The following RB1 variants were observed in gnomAD, a reference collection of about 807,000 sequenced individuals.
RB1 encodes the protein RB transcriptional corepressor 1.
Under a neutral mutation model 135.4 loss-of-function variants are expected in RB1, and 18 were observed. The ratio of observed to expected loss-of-function variants is 0.13; its 90% CI spans 0.09 to 0.20. The LOEUF (loss-of-function observed/expected upper bound fraction) is 0.20. RB1 is among the 10% of genes least tolerant of loss of function. RB1 has a pLI of 1.00. For missense variants in RB1, 868 were observed against 1,110.0 expected, an observed-to-expected ratio of 0.78 and a Z score of 3.10; for synonymous variants, 365 against 373.2, an observed-to-expected ratio of 0.98 and a Z score of 0.25.
At chr13:48,472,492 A>G (rs564132284) in intron 23 of RB1, among the ~76,000 whole-genome samples, 125 of 152,256 alleles carry the variant, frequency 8.2e-4, no homozygotes, top group Non-Finnish European at 1.2e-3. Context: ...CCATGCCACT[A>G]TATGAAAATG....
intron 17 of RB1, among the ~76,000 whole-genome samples, chr13:48,413,896 T>G (rs1176315229): frequency 6.6e-6 from 1 of 152,184 alleles, no homozygotes; most frequent in Non-Finnish European, 1.5e-5. Flanking sequence ...ATCCTACTAC[T>G]TGGCAAAATT....
At chr13:48,449,914 A>G (rs960208556) in intron 17 of RB1, among the ~76,000 whole-genome samples, 1 of 151,950 alleles carries the variant, frequency 6.6e-6, no homozygotes, top group Admixed American at 6.6e-5. Flanking sequence ...GAAGTTTCCA[A>G]TTTATATGAA....
intron 17 of RB1, among the ~76,000 whole-genome samples, chr13:48,441,853 A>T (rs1378981342): frequency 1.3e-5 from 2 of 152,182 alleles, no homozygotes; most frequent in African/African-American, 2.4e-5. Context: ...GGAATTATTT[A>T]AAAATGACTT....
chr13:48,431,864 T>A (rs1404266243), intron 17 of RB1, among the ~76,000 whole-genome samples: 1 of 152,232 alleles, frequency 6.6e-6, no homozygotes, highest in Non-Finnish European at 1.5e-5. Context: ...GCTTATGTTG[T>A]CTTCATCTCT....
chr13:48,328,476 G>C (rs922530627), intron 2 of RB1: 1 of 883,568 alleles, frequency 1.1e-6, no homozygotes. Context: ...TCAGCGCTGC[G>C]GCTGGAACTT....
rs766996577 is a variant in RB1 at position 48,476,388 on chromosome 13, G to T, written c.2521-313G>T. 52 of 327,450 alleles carry T rather than the reference G, an allele frequency of 1.6e-4. 1 individual carries two copies. Among genetic ancestry groups the T allele is most frequent in the Non-Finnish European group, 2.3e-5 (4 of 171,050 alleles). The allele number at this position is 327,450 out of a possible 1,614,324, so 20.3% of individuals were successfully genotyped here. ...CTGACTTGCCTACTTCTGAAAAGTA[G>T]TCCTGTATGGTGGGTTCTGAAAATG... On this transcript the variant is annotated intron_variant, in intron 24 of 26. Coordinates refer to ENST00000267163, the MANE Select transcript of RB1 (RefSeq NM_000321.3).
intron 2 of RB1, among the ~76,000 whole-genome samples, chr13:48,326,785 A>G (rs1173997135): frequency 6.6e-6 from 1 of 152,072 alleles, no homozygotes; most frequent in East Asian, 1.9e-4. Flanking sequence ...TTGTAGTAGG[A>G]GTTTTCAAGG....
At chr13:48,371,699 G>T (rs1285341674) in intron 11 of RB1, among the ~76,000 whole-genome samples, 2 of 152,082 alleles carry the variant, frequency 1.3e-5, no homozygotes, top group East Asian at 3.9e-4. Flanking sequence ...TGAAGGGAGG[G>T]TGCATAATGG....
chr13:48,312,831 C>T (rs189667152), intron 2 of RB1, among the ~76,000 whole-genome samples: 1 of 152,156 alleles, frequency 6.6e-6, no homozygotes, highest in African/African-American at 2.4e-5. Context: ...CTAGTCTCTT[C>T]TTTTCTCCAT....
At chr13:48,412,435 G>T in intron 17 of RB1, 2 of 1,605,114 alleles carry the variant, frequency 1.2e-6, no homozygotes, top group South Asian at 1.1e-5. Flanking sequence ...GTAAAGGCAC[G>T]TCCAATTTTC....
intron 17 of RB1, among the ~76,000 whole-genome samples, chr13:48,437,539 C>G (rs1819477894): frequency 6.6e-6 from 1 of 152,186 alleles, no homozygotes; most frequent in Admixed American, 6.5e-5. Context: ...AAGGCTGCAG[C>G]TAGTTTAAGG....
At chr13:48,328,598 A>C in intron 2 of RB1, 1 of 630,000 alleles carries the variant, frequency 1.6e-6, no homozygotes, top group Non-Finnish European at 2.9e-6. Context: ...GATTTCAGAA[A>C]TCTTTCTAAT....
At chr13:48,340,476 G>C (rs918728047) in intron 2 of RB1, among the ~76,000 whole-genome samples, 1 of 151,440 alleles carries the variant, frequency 6.6e-6, no homozygotes, top group African/African-American at 2.4e-5. Context: ...GTGTTTCATT[G>C]TTTTGACTAC....
intron 26 of RB1, 42 bp downstream of exon 26, chr13:48,477,446 G>C (rs1949510888): frequency 6.9e-7 from 1 of 1,459,728 alleles, no homozygotes; most frequent in East Asian, 2.3e-5. Context: ...ATAAACAATT[G>C]TTTACACTGC....
intron 8 of RB1, among the ~76,000 whole-genome samples, chr13:48,363,957 G>T (rs1433965512): frequency 2.0e-5 from 3 of 152,098 alleles, no homozygotes; most frequent in Non-Finnish European, 4.4e-5. Context: ...ACACCAGATA[G>T]CAGTAAAAAA....
intron 11 of RB1, among the ~76,000 whole-genome samples, chr13:48,371,406 A>G (rs1217461469): frequency 6.6e-6 from 1 of 152,122 alleles, no homozygotes; most frequent in Non-Finnish European, 1.5e-5. Flanking sequence ...GTCCCATTCC[A>G]CTGAGGAATA....
intron 2 of RB1, chr13:48,320,071 G>A (rs554786629): frequency 1.7e-6 from 1 of 577,748 alleles, no homozygotes; most frequent in Admixed American, 2.8e-5. Flanking sequence ...TTGCCTTTAG[G>A]TACTCCCGGA....
chr13:48,430,442 A>G (rs1949117379), intron 17 of RB1, among the ~76,000 whole-genome samples: 2 of 152,212 alleles, frequency 1.3e-5, no homozygotes, highest in Non-Finnish European at 2.9e-5. Context: ...TGAGCACGTT[A>G]GAAAAATAAC....
At chr13:48,348,161 G>A (rs189051386) in intron 5 of RB1, among the ~76,000 whole-genome samples, 1 of 151,912 alleles carries the variant, frequency 6.6e-6, no homozygotes, top group Non-Finnish European at 1.5e-5. Flanking sequence ...TTTATTGAGG[G>A]TCTGTTACAG....
Sources: gnomAD v4.1 joint callset for allele counts (sites outside exome capture counted in the v4.1 genomes callset) on GRCh38, gnomAD v4.1.1 for gene constraint, MANE v1.5 for transcripts, NCBI Gene and HGNC (gene_info 2026-07-23, HGNC 2026-07-21) for gene names.